The following NEDD4 variants were observed in gnomAD, a reference collection of about 807,000 sequenced individuals.
NEDD4 encodes E3 ubiquitin-protein ligase NEDD4.
A neutral mutation model predicts 144.9 loss-of-function variants in NEDD4; 99 were observed. That is an observed-to-expected ratio of 0.68 (90% CI 0.58 to 0.81). The LOEUF is 0.81. Among genes scored for constraint, NEDD4 ranks in the 30% least tolerant of loss-of-function variants. The pLI is 0.00. For synonymous variants in NEDD4, 318 were observed against 350.6 expected, an observed-to-expected ratio of 0.91 and a Z score of 1.04; for missense variants, 985 against 1,065.9, an observed-to-expected ratio of 0.92 and a Z score of 1.06.
At chr15:55,953,955 C>T (rs368148733) in intron 2 of NEDD4, among the ~76,000 whole-genome samples, 4 of 152,186 alleles carry the variant, frequency 2.6e-5, no homozygotes, top group Non-Finnish European at 5.9e-5. Context: ...CTCTTGACCT[C>T]GTGACCCTCC....
intron 4 of NEDD4, among the ~76,000 whole-genome samples, chr15:55,946,836 A>G (rs1384957018): frequency 5.3e-5 from 8 of 152,200 alleles, no homozygotes; most frequent in Admixed American, 5.2e-4. Context: ...TCAAACTAGA[A>G]CTCAGGATTA....
intron 4 of NEDD4, among the ~76,000 whole-genome samples, chr15:55,929,967 G>T (rs1307264476): frequency 6.6e-6 from 1 of 152,034 alleles, no homozygotes; most frequent in Non-Finnish European, 1.5e-5. Flanking sequence ...AGTGCTTTAA[G>T]AAAAATTTGT....
intron 5 of NEDD4, among the ~76,000 whole-genome samples, chr15:55,888,734 T>C (rs1330440083): frequency 6.6e-6 from 1 of 152,182 alleles, no homozygotes; most frequent in Non-Finnish European, 1.5e-5. Context: ...CAAAATGGCA[T>C]GGTACTGGTA....
chr15:55,907,211 G>A (rs965748147), intron 5 of NEDD4, among the ~76,000 whole-genome samples: 2 of 152,032 alleles, frequency 1.3e-5, no homozygotes, highest in Non-Finnish European at 2.9e-5. Context: ...GAAAACAGGA[G>A]AGAAAAGAAA....
intron 5 of NEDD4, among the ~76,000 whole-genome samples, chr15:55,900,660 G>A (rs1278147940): frequency 1.3e-5 from 2 of 152,100 alleles, no homozygotes; most frequent in African/African-American, 4.8e-5. Context: ...AGCCCTATCA[G>A]ACCGACAAAA....
chr15:55,988,270 A>G (rs1280148544), intron 1 of NEDD4, among the ~76,000 whole-genome samples: 26 of 123,446 alleles, frequency 2.1e-4, no homozygotes, highest in Non-Finnish European at 3.5e-4. Flanking sequence ...TGGGAATTGA[A>G]CAATGAGATC....
intron 5 of NEDD4, among the ~76,000 whole-genome samples, chr15:55,882,186 A>G (rs945507638): frequency 2.6e-4 from 39 of 152,324 alleles, no homozygotes; most frequent in African/African-American, 9.4e-4. Context: ...AAAATCACAC[A>G]AAAAGCACCT....
intron 5 of NEDD4, among the ~76,000 whole-genome samples, chr15:55,882,882 A>T (rs2142095491): frequency 6.6e-6 from 1 of 152,308 alleles, no homozygotes; most frequent in Non-Finnish European, 1.5e-5. Flanking sequence ...CTGAATAATC[A>T]GCAGCAGTAA....
At chr15:55,976,264 G>C (rs1222408635) in intron 1 of NEDD4, among the ~76,000 whole-genome samples, 1 of 152,202 alleles carries the variant, frequency 6.6e-6, no homozygotes, top group Middle Eastern at 3.4e-3. Context: ...TATAGCAAAG[G>C]AAACAATCAA....
chr15:55,863,159 AAG>A, intron 8 of NEDD4, 80 bp from the exon 9 acceptor site: 5 of 1,253,580 alleles, frequency 4.0e-6, no homozygotes, highest in Non-Finnish European at 5.3e-6. Context: ...GAAATTTAAA[AAG>A]AGATTTATTA....
At chr15:55,947,780 T>C (rs1342815645) in intron 4 of NEDD4, among the ~76,000 whole-genome samples, 12 of 152,112 alleles carry the variant, frequency 7.9e-5, no homozygotes, top group Non-Finnish European at 1.5e-4. Context: ...CTCAATAAAT[T>C]AGGTATTGAT....
intron 6 of NEDD4, among the ~76,000 whole-genome samples, chr15:55,873,094 T>C (rs1157188878): frequency 6.6e-6 from 1 of 152,138 alleles, no homozygotes; most frequent in East Asian, 1.9e-4. Flanking sequence ...TGAAACTCCT[T>C]TCTTAAATTC....
chr15:55,902,888 C>T (rs1484763631), intron 5 of NEDD4, among the ~76,000 whole-genome samples: 1 of 152,128 alleles, frequency 6.6e-6, no homozygotes, highest in Non-Finnish European at 1.5e-5. Context: ...GTAATCGCCG[C>T]TAGTCAGGAG....
chr15:55,982,473 A>T (rs1336782992), intron 1 of NEDD4, among the ~76,000 whole-genome samples: 2 of 152,292 alleles, frequency 1.3e-5, no homozygotes, highest in Non-Finnish European at 2.9e-5. Context: ...ATGACTCTCA[A>T]AAAAAGAATC....
intron 8 of NEDD4, among the ~76,000 whole-genome samples, chr15:55,869,048 C>A (rs1244931878): frequency 2.0e-5 from 3 of 152,168 alleles, no homozygotes; most frequent in Non-Finnish European, 4.4e-5. Context: ...TAACTCTACA[C>A]AAATCTTGAC....
chr15:55,859,693 AAAAC>A (rs202233875), intron 11 of NEDD4, among the ~76,000 whole-genome samples: 1 of 152,150 alleles, frequency 6.6e-6, no homozygotes, highest in African/African-American at 2.4e-5. Flanking sequence ...GAGATGTCTC[AAAAC>A]AAACAAACAA....
At chr15:55,830,667 A>C (rs2032906475) in intron 27 of NEDD4, 81 bp from the exon 28 acceptor site, 1 of 1,040,936 alleles carries the variant, frequency 9.6e-7, no homozygotes, top group African/African-American at 1.6e-5. Flanking sequence ...AGTGTACACT[A>C]GTTCCTACAC....
chr15:55,954,495 G>C (rs1350761099), intron 2 of NEDD4, among the ~76,000 whole-genome samples: 2 of 150,768 alleles, frequency 1.3e-5, no homozygotes, highest in African/African-American at 4.9e-5. Context: ...AAATACACTT[G>C]AACAATACAC....
chr15:55,893,935 A>C (rs1222019142), intron 5 of NEDD4, among the ~76,000 whole-genome samples: 1 of 151,786 alleles, frequency 6.6e-6, no homozygotes, highest in Non-Finnish European at 1.5e-5. Context: ...TTCCTTATTG[A>C]CTGTGCTTTA....
Sources: gnomAD v4.1 joint callset for allele counts (sites outside exome capture counted in the v4.1 genomes callset) on GRCh38, gnomAD v4.1.1 for gene constraint, MANE v1.5 for transcripts, NCBI Gene and HGNC (gene_info 2026-07-23, HGNC 2026-07-21) for gene names.